HMGA2: variants seen among roughly 807,000 people sequenced by gnomAD.
The protein encoded by HMGA2 is high mobility group protein HMGI-C.
Under a neutral mutation model 19.1 loss-of-function variants are expected in HMGA2, and 8 were observed. The observed-to-expected ratio is 0.42, with a 90% CI of 0.25 to 0.76. HMGA2 has a LOEUF of 0.76. HMGA2 is among the 30% of genes least tolerant of loss of function. The probability of loss-of-function intolerance (pLI) is 0.28; values close to 1 mark genes in which losing one functional copy is unlikely to be tolerated. For missense variants in HMGA2, 109 were observed against 136.3 expected, an observed-to-expected ratio of 0.80 and a Z score of 1.00; for synonymous variants, 60 against 48.8, an observed-to-expected ratio of 1.23 and a Z score of -0.96.
intron 3 of HMGA2, among the ~76,000 whole-genome samples, chr12:65,886,442 C>G (rs1254366886): frequency 6.6e-6 from 1 of 151,750 alleles, no homozygotes; most frequent in East Asian, 1.9e-4. Context: ...TCACTGCAAC[C>G]TCTACCTCCC....
intron 3 of HMGA2, chr12:65,867,501 T>C (rs1872490509): frequency 2.2e-6 from 1 of 455,246 alleles, no homozygotes; most frequent in Non-Finnish European, 4.4e-6. Flanking sequence ...ACAGAACTAA[T>C]TACTGTGAAA....
intron 3 of HMGA2, among the ~76,000 whole-genome samples, chr12:65,927,772 A>C (rs1047567592): frequency 2.6e-5 from 4 of 151,704 alleles, no homozygotes; most frequent in Non-Finnish European, 5.9e-5. Context: ...ACCTGTCCTC[A>C]TAGAAAATAA....
At chr12:65,876,799 T>C (rs1042890600) in intron 3 of HMGA2, 1 of 152,190 alleles carries the variant, frequency 6.6e-6, no homozygotes, top group Non-Finnish European at 1.5e-5. Flanking sequence ...CACATGTCCC[T>C]AAAGCACATT....
intron 3 of HMGA2, among the ~76,000 whole-genome samples, chr12:65,906,301 G>A (rs1185630174): frequency 6.6e-6 from 1 of 152,162 alleles, no homozygotes; most frequent in Non-Finnish European, 1.5e-5. Flanking sequence ...TGGGAGAGGT[G>A]AGGGGACTGT....
intron 3 of HMGA2, chr12:65,867,687 G>A (rs139811507): frequency 6.7e-5 from 16 of 239,590 alleles, no homozygotes; most frequent in African/African-American, 1.3e-4. Flanking sequence ...AGTCAGAGCC[G>A]TAAGGCTGCC....
chr12:65,836,651 A>G (rs1870741903), intron 2 of HMGA2, among the ~76,000 whole-genome samples: 1 of 152,186 alleles, frequency 6.6e-6, no homozygotes, highest in African/African-American at 2.4e-5. Flanking sequence ...CAATGCTCTG[A>G]AGAGGGTATT....
chr12:65,915,726 A>AT (rs922581413), intron 3 of HMGA2, among the ~76,000 whole-genome samples: 2 of 151,932 alleles, frequency 1.3e-5, no homozygotes, highest in Non-Finnish European at 2.9e-5. Flanking sequence ...CTTGACTTAC[A>AT]TTTTTTTGTT....
intron 3 of HMGA2, chr12:65,859,973 G>A: frequency 2.3e-6 from 1 of 431,740 alleles, no homozygotes; most frequent in South Asian, 1.6e-5. Context: ...CACACCTATA[G>A]TCCCAGCTAC....
chr12:65,856,388 T>C (rs948057925), intron 3 of HMGA2: 3 of 152,212 alleles, frequency 2.0e-5, no homozygotes, highest in African/African-American at 4.8e-5. Context: ...CCCAGAGCAA[T>C]TGTGTCCAGT....
chr12:65,898,927 C>G (rs989543803), intron 3 of HMGA2, among the ~76,000 whole-genome samples: 5 of 151,644 alleles, frequency 3.3e-5, no homozygotes, highest in Admixed American at 2.6e-4. Flanking sequence ...GCCTGTAATC[C>G]CAGCTACTCG....
At chr12:65,890,553 C>T (rs142900134) in intron 3 of HMGA2, among the ~76,000 whole-genome samples, 3 of 151,984 alleles carry the variant, frequency 2.0e-5, no homozygotes, top group Non-Finnish European at 4.4e-5. Flanking sequence ...GGAAGCTATA[C>T]TACACAATTG....
chr12:65,943,990 G>T (rs891162149), intron 3 of HMGA2, among the ~76,000 whole-genome samples: 16 of 152,262 alleles, frequency 1.1e-4, no homozygotes, highest in Admixed American at 9.8e-4. Context: ...AAACAGAAAA[G>T]CTTTCAACCC....
intron 3 of HMGA2, among the ~76,000 whole-genome samples, chr12:65,855,450 TCTCTCTCTCACACA>T (rs1053033324): frequency 9.4e-6 from 1 of 106,066 alleles, no homozygotes; most frequent in African/African-American, 3.7e-5. Context: ...TCTCTCTCTC[TCTCTCTCTCACACA>T]CACACACACA....
At chr12:65,884,400 G>C (rs1418448891) in intron 3 of HMGA2, among the ~76,000 whole-genome samples, 1 of 152,152 alleles carries the variant, frequency 6.6e-6, no homozygotes, top group Non-Finnish European at 1.5e-5. Context: ...AAGCATTTCA[G>C]ACACTCAGCC....
At chr12:65,867,226 T>A (rs74987327) in intron 3 of HMGA2, among the ~76,000 whole-genome samples, 3,639 of 152,276 alleles carry the variant, frequency 0.024, 151 homozygotes, top group African/African-American at 0.084. Flanking sequence ...AAACAGGCCC[T>A]TGTCCTGTTT....
chr12:65,852,913 C>T (rs1342451378), intron 3 of HMGA2, among the ~76,000 whole-genome samples: 3 of 152,146 alleles, frequency 2.0e-5, no homozygotes, highest in Admixed American at 2.0e-4. Context: ...TTTTAGAATT[C>T]GTCTCTTAAG....
intron 3 of HMGA2, chr12:65,856,515 C>A (rs1871749737): frequency 6.6e-6 from 1 of 152,224 alleles, no homozygotes; most frequent in South Asian, 2.1e-4. Flanking sequence ...CCTTGGATTT[C>A]CATTGGGAAT....
chr12:65,892,075 G>C (rs755778025), intron 3 of HMGA2, among the ~76,000 whole-genome samples: 44 of 152,314 alleles, frequency 2.9e-4, no homozygotes, highest in Non-Finnish European at 5.0e-4. Flanking sequence ...CTCTGCCTCT[G>C]CGCCGACACT....
At chr12:65,915,031 A>G (rs1179045475) in intron 3 of HMGA2, 2 of 1,612,982 alleles carry the variant, frequency 1.2e-6, no homozygotes, top group East Asian at 4.5e-5. Flanking sequence ...TTCATGCCAT[A>G]TGCCCCATCC....
Sources: gnomAD v4.1 joint callset for allele counts (sites outside exome capture counted in the v4.1 genomes callset) on GRCh38, gnomAD v4.1.1 for gene constraint, MANE v1.5 for transcripts, NCBI Gene and HGNC (gene_info 2026-07-23, HGNC 2026-07-21) for gene names.